Variants in CDC37L1 observed in about 807,000 individuals in gnomAD.
CDC37L1 encodes the protein hsp90 co-chaperone Cdc37-like 1.
In CDC37L1, 32 loss-of-function variants were observed where a neutral mutation model predicts 45.9. The ratio of observed to expected loss-of-function variants is 0.70; its 90% CI spans 0.53 to 0.94. CDC37L1 has a LOEUF of 0.94. Ranked by LOEUF, CDC37L1 falls within the 40% of genes least tolerant of loss-of-function variation. The probability of loss-of-function intolerance (pLI) is 0.00; values close to 1 mark genes in which losing one functional copy is unlikely to be tolerated. For synonymous variants in CDC37L1, 150 were observed against 133.0 expected (o/e 1.13, Z -0.88); for missense variants, 434 against 405.7 (o/e 1.07, Z -0.60).
At chr9:4,696,406 G>A (rs1281005134) in intron 3 of CDC37L1, among the ~76,000 whole-genome samples, 2 of 152,170 alleles carry the variant, frequency 1.3e-5, no homozygotes, top group East Asian at 3.9e-4. Context: ...CACTTTGGGA[G>A]GCCTAGCCAG....
At chr9:4,690,301 A>G (rs796214642) in intron 3 of CDC37L1, among the ~76,000 whole-genome samples, 10 of 152,330 alleles carry the variant, frequency 6.6e-5, no homozygotes, top group African/African-American at 2.4e-4. Flanking sequence ...TTCCACATCT[A>G]GAGTGGGCTC....
Position 4,707,689 on chromosome 9 carries a change from CTT to C in CDC37L1, c.*1589_*1590del, listed in dbSNP as rs74330499. Reference sequence around the variant, plus strand: ...ATATAGTAGTGTTTGTCAGCCTGTACTTTTTTTTTTTTTAAACCCATGACCTA... The same window carrying C: ...ATATAGTAGTGTTTGTCAGCCTGTACTTTTTTTTTTTAAACCCATGACCTA... On this transcript the variant is annotated 3_prime_UTR_variant, in exon 7 of 7. Transcript: ENST00000381854. 1.3e-4 allele frequency: 18 copies of C among 142,910 alleles called. No individual in the cohort carries two copies. Among genetic ancestry groups the C allele is most frequent in the Admixed American group, 1.4e-4 (2 of 14,270 alleles). The allele number at this position is 142,910 out of a possible 1,614,324, so 8.9% of individuals were successfully genotyped here.
Position 4,679,806 on chromosome 9 carries a change from C to T in CDC37L1, c.39C>T (p.Leu13=), listed in dbSNP as rs1332105056. The change falls in exon 1 of 7, where the codon CTC becomes CTT. Residue 13 remains leucine, a synonymous_variant. Coordinates refer to ENST00000381854, the MANE Select transcript of CDC37L1 (RefSeq NM_017913.4). ...QPWPPPGPWS[L]PRAEGEAEEE... ...GGCCGCCTCCGGGACCCTGGAGCCT[C>T]CCTCGGGCCGAGGGTGAGGCTGAGG... is the stretch of plus-strand genomic sequence containing the variant. 8 of 1,613,770 alleles carry T rather than the reference C, an allele frequency of 5.0e-6. No homozygotes were observed. Among genetic ancestry groups the T allele is most frequent in the Admixed American group, 1.7e-5 (1 of 60,020 alleles).
rs565317973 is a variant in CDC37L1, at chr9:4,707,134, T to C, written c.*1022T>C. ...ATTTCTGAGAATTTGGTGACTCTTATTGGTAATGATGGCATTTACAACATT... is the reference window on the plus strand; with the variant it reads ...ATTTCTGAGAATTTGGTGACTCTTACTGGTAATGATGGCATTTACAACATT... On this transcript the variant is annotated 3_prime_UTR_variant, in exon 7 of 7. Transcript: ENST00000381854. The C allele has an allele frequency of 2.6e-5, 4 of 152,354 alleles. No individual in the cohort carries two copies. The highest frequency in any genetic ancestry group is 9.6e-5 in the African/African-American group (4 of 41,586). 9.4% of individuals were successfully genotyped at this position (152,354 alleles called of 1,614,324 possible). A position where few individuals can be genotyped will look rare whatever the true frequency, so the allele number is the denominator to read the frequency against.
intron 6 of CDC37L1, among the ~76,000 whole-genome samples, chr9:4,703,689 G>A (rs1261721543): frequency 6.6e-6 from 1 of 152,210 alleles, no homozygotes. Context: ...AAGAGGGAAA[G>A]ATACACATTA....
chr9:4,690,540 C>T (rs1446978433), intron 3 of CDC37L1, among the ~76,000 whole-genome samples: 1 of 152,154 alleles, frequency 6.6e-6, no homozygotes, highest in Non-Finnish European at 1.5e-5. Flanking sequence ...AAACCTATGC[C>T]ACCACGACCC....
intron 3 of CDC37L1, among the ~76,000 whole-genome samples, chr9:4,692,017 G>C (rs1841305237): frequency 6.6e-6 from 1 of 152,052 alleles, no homozygotes; most frequent in African/African-American, 2.4e-5. Flanking sequence ...TTCAGCCAAA[G>C]TTAGCTGTGA....
intron 5 of CDC37L1, among the ~76,000 whole-genome samples, chr9:4,699,174 G>C (rs888403008): frequency 6.6e-6 from 1 of 152,174 alleles, no homozygotes; most frequent in South Asian, 2.1e-4. Flanking sequence ...AATGTTCATA[G>C]TAGATTGTAA....
intron 1 of CDC37L1, among the ~76,000 whole-genome samples, chr9:4,680,534 T>G (rs931233928): frequency 2.6e-5 from 4 of 152,232 alleles, no homozygotes; most frequent in Non-Finnish European, 1.5e-5. Context: ...TGTGTTTTCC[T>G]TCAGACTTCT....
intron 1 of CDC37L1, among the ~76,000 whole-genome samples, chr9:4,680,835 A>G (rs1841185758): frequency 6.6e-6 from 1 of 152,234 alleles, no homozygotes; most frequent in Admixed American, 6.5e-5. Context: ...TTTTCCTCTC[A>G]ACTTATTTTG....
At chr9:4,688,748 T>A (rs373518992) in intron 3 of CDC37L1, 142 bp downstream of exon 3, 5 of 516,730 alleles carry the variant, frequency 9.7e-6, no homozygotes, top group Non-Finnish European at 1.7e-5. Flanking sequence ...GTATAGATCT[T>A]GTTTTAGAAT....
At chr9:4,684,285 A>AATAT (rs370408156) in intron 1 of CDC37L1, among the ~76,000 whole-genome samples, 4 of 151,362 alleles carry the variant, frequency 2.6e-5, no homozygotes, top group African/African-American at 9.7e-5. Context: ...TCCATCACAA[A>AATAT]ATATATATAT....
At chr9:4,701,249 A>G (rs1430338728) in intron 5 of CDC37L1, among the ~76,000 whole-genome samples, 2 of 152,240 alleles carry the variant, frequency 1.3e-5, no homozygotes, top group Non-Finnish European at 2.9e-5. Context: ...GAGTTGCCTA[A>G]GAGTTCCACT....
At chr9:4,684,621 T>C (rs575225258) in intron 1 of CDC37L1, among the ~76,000 whole-genome samples, 15 of 152,356 alleles carry the variant, frequency 9.8e-5, no homozygotes, top group African/African-American at 3.6e-4. Context: ...ACTAGCTTTA[T>C]GCAAGACACT....
intron 1 of CDC37L1, among the ~76,000 whole-genome samples, chr9:4,681,619 A>G (rs1474891595): frequency 3.3e-5 from 5 of 152,204 alleles, no homozygotes; most frequent in African/African-American, 9.7e-5. Context: ...CTGGGCAACA[A>G]GAGCGAAACT....
intron 6 of CDC37L1, chr9:4,703,238 C>G (rs1230244172): frequency 1.4e-6 from 1 of 713,746 alleles, no homozygotes; most frequent in South Asian, 5.5e-5. Context: ...GTGGCTTGAC[C>G]TTATCTCACT....
intron 5 of CDC37L1, among the ~76,000 whole-genome samples, chr9:4,699,626 G>A (rs2130852944): frequency 6.6e-6 from 1 of 152,018 alleles, no homozygotes; most frequent in African/African-American, 2.4e-5. Flanking sequence ...TATTGTTGAA[G>A]GATACATATA....
chr9:4,684,970 C>T lies in CDC37L1; in HGVS notation c.226C>T (p.Gln76Ter). 4 of 1,613,938 alleles carry T rather than the reference C, an allele frequency of 2.5e-6. No individual in the cohort carries two copies. Among genetic ancestry groups the T allele is most frequent in the Non-Finnish European group, 3.4e-6 (4 of 1,179,844 alleles). The change falls in exon 2 of 7, where the codon CAG (glutamine) becomes TAG (stop). Residue 76 changes from glutamine to a stop codon, truncating the protein, a stop_gained. Coordinates refer to ENST00000381854, the MANE Select transcript of CDC37L1 (RefSeq NM_017913.4). LOFTEE classifies it high-confidence loss of function. Reference sequence around the variant, plus strand: ...CAAATGGAATCTTGCTGAAGCTCAACAGAAACTTGGTAGCTTAGCACTGCA... The same window carrying T: ...CAAATGGAATCTTGCTGAAGCTCAATAGAAACTTGGTAGCTTAGCACTGCA... ...ACKWNLAEAQ[Q>*]KLGSLALHNS...
intron 3 of CDC37L1, among the ~76,000 whole-genome samples, chr9:4,689,142 G>A (rs1378621009): frequency 6.6e-6 from 1 of 152,148 alleles, no homozygotes; most frequent in Non-Finnish European, 1.5e-5. Context: ...AGAGGAGCCA[G>A]CATCTGAGCT....
Sources: gnomAD v4.1 joint callset for allele counts (sites outside exome capture counted in the v4.1 genomes callset) on GRCh38, gnomAD v4.1.1 for gene constraint, MANE v1.5 for transcripts, NCBI Gene and HGNC (gene_info 2026-07-23, HGNC 2026-07-21) for gene names.